Variants in IMMP2L observed in about 807,000 individuals in gnomAD.
IMMP2L encodes inner mitochondrial membrane peptidase subunit 2.
In IMMP2L, 18 loss-of-function variants were observed where a neutral mutation model predicts 19.3. The ratio of observed to expected loss-of-function variants is 0.93; its 90% CI spans 0.64 to 1.38. IMMP2L has a LOEUF of 1.38. IMMP2L is among the 40% of genes most tolerant of loss of function. IMMP2L has a pLI of 0.00. For missense variants in IMMP2L, 233 were observed against 218.2 expected (o/e 1.07, Z -0.43); for synonymous variants, 76 against 73.0 (o/e 1.04, Z -0.21).
intron 3 of IMMP2L, among the ~76,000 whole-genome samples, chr7:111,093,464 A>G (rs966783280): frequency 6.6e-6 from 1 of 152,180 alleles, no homozygotes; most frequent in African/African-American, 2.4e-5. Context: ...TCAAACTCCT[A>G]TATAATGTAG....
At chr7:111,342,907 A>G (rs537386329) in intron 3 of IMMP2L, among the ~76,000 whole-genome samples, 1 of 152,180 alleles carries the variant, frequency 6.6e-6, no homozygotes, top group African/African-American at 2.4e-5. Context: ...GCAAAACCCC[A>G]GCAAACTACC....
chr7:110,888,122 A>C (rs149712443), intron 4 of IMMP2L, among the ~76,000 whole-genome samples: 68 of 152,284 alleles, frequency 4.5e-4, no homozygotes, highest in African/African-American at 1.6e-3. Flanking sequence ...AGAAAAGCCC[A>C]CAGTAAGTTA....
chr7:111,518,973 C>G (rs1846107830), intron 2 of IMMP2L, among the ~76,000 whole-genome samples: 1 of 152,110 alleles, frequency 6.6e-6, no homozygotes, highest in Non-Finnish European at 1.5e-5. Context: ...ATCACTTGGC[C>G]TAGCCACAGG....
chr7:111,047,355 T>G (rs1320859183), intron 3 of IMMP2L, among the ~76,000 whole-genome samples: 1 of 152,040 alleles, frequency 6.6e-6, no homozygotes. Context: ...TCCTGGCTAA[T>G]TTTTGTATTT....
At chr7:110,885,836 A>C (rs892197435) in intron 5 of IMMP2L, among the ~76,000 whole-genome samples, 32 of 151,998 alleles carry the variant, frequency 2.1e-4, no homozygotes, top group Admixed American at 9.8e-4. Context: ...GGAAAAAAAA[A>C]CATTATTCCA....
intron 5 of IMMP2L, among the ~76,000 whole-genome samples, chr7:110,789,461 T>C (rs1207307060): frequency 1.3e-5 from 2 of 151,688 alleles, no homozygotes; most frequent in Non-Finnish European, 2.9e-5. Context: ...ACATCCAGGA[T>C]CCTACGACTT....
chr7:111,005,182 C>T (rs1278291771), intron 3 of IMMP2L, among the ~76,000 whole-genome samples: 4 of 152,056 alleles, frequency 2.6e-5, no homozygotes, highest in East Asian at 3.9e-4. Context: ...GATGGTGGTT[C>T]GATTAAGATT....
intron 3 of IMMP2L, among the ~76,000 whole-genome samples, chr7:111,143,732 C>A (rs1254409840): frequency 6.6e-6 from 1 of 152,154 alleles, no homozygotes; most frequent in Non-Finnish European, 1.5e-5. Context: ...CAGTCAGTGA[C>A]TGATCCTCCA....
At chr7:111,240,325 T>C (rs577971286) in intron 3 of IMMP2L, among the ~76,000 whole-genome samples, 175 of 152,088 alleles carry the variant, frequency 1.2e-3, no homozygotes, top group Admixed American at 1.2e-3. Context: ...CTTATTTAAG[T>C]TTGATTCAGA....
intron 5 of IMMP2L, among the ~76,000 whole-genome samples, chr7:110,743,947 G>A (rs1336970365): frequency 6.6e-6 from 1 of 152,178 alleles, no homozygotes; most frequent in African/African-American, 2.4e-5. Context: ...TGAAGCCAGG[G>A]AGCCAAGTAG....
chr7:111,336,309 C>A (rs1464759922), intron 3 of IMMP2L, among the ~76,000 whole-genome samples: 1 of 151,898 alleles, frequency 6.6e-6, no homozygotes, highest in African/African-American at 2.4e-5. Flanking sequence ...CCACCTCAGC[C>A]TCCCAAAGTG....
At chr7:111,321,958 A>G (rs1824762768) in intron 3 of IMMP2L, among the ~76,000 whole-genome samples, 1 of 151,974 alleles carries the variant, frequency 6.6e-6, no homozygotes, top group Admixed American at 6.6e-5. Flanking sequence ...CCTTAAACCT[A>G]AAATGCCATA....
chr7:111,043,154 G>A (rs1372503790), intron 3 of IMMP2L, among the ~76,000 whole-genome samples: 1 of 152,124 alleles, frequency 6.6e-6, no homozygotes, highest in Non-Finnish European at 1.5e-5. Context: ...CCTGTAGTAA[G>A]TCTCAAAGAC....
intron 3 of IMMP2L, among the ~76,000 whole-genome samples, chr7:111,408,225 C>T (rs1242775406): frequency 6.7e-6 from 1 of 149,492 alleles, no homozygotes; most frequent in Admixed American, 6.6e-5. Flanking sequence ...CAATAAGTGA[C>T]CAACTTGCAA....
chr7:111,222,885 G>C (rs752303916), intron 3 of IMMP2L, among the ~76,000 whole-genome samples: 6 of 151,842 alleles, frequency 4.0e-5, no homozygotes, highest in Non-Finnish European at 5.9e-5. Flanking sequence ...ACAATGTCCT[G>C]ATATCGGTAC....
intron 2 of IMMP2L, among the ~76,000 whole-genome samples, chr7:111,505,044 A>C (rs927303247): frequency 1.3e-5 from 2 of 152,108 alleles, no homozygotes; most frequent in Non-Finnish European, 2.9e-5. Context: ...CAACCTACAA[A>C]ATGGGAAAAA....
In IMMP2L at chr7:111,443,643, G is replaced by A. The variant is rs573890209; in HGVS notation, c.239+43595C>T. ...CTCAAAATATCCCAGAAGGACTTCA[G>A]AATCCATTTTTTCAAATGTTTTGAC... On this transcript the variant is annotated intron_variant, in intron 3 of 5. Coordinates refer to ENST00000405709, the MANE Select transcript of IMMP2L (RefSeq NM_032549.4). Among the ~76,000 whole-genome samples, 68 of 152,264 alleles carry A rather than the reference G, an allele frequency of 4.5e-4. 1 individual carries two copies. The Middle Eastern group carries it at 0.01, about 23-fold the overall frequency.
chr7:111,525,088 C>T (rs574271204), intron 1 of IMMP2L, among the ~76,000 whole-genome samples: 15 of 152,206 alleles, frequency 9.9e-5, no homozygotes, highest in African/African-American at 3.6e-4. Flanking sequence ...CTGAAAATCA[C>T]ATAAACATAC....
chr7:110,943,122 C>T (rs1816897369), intron 4 of IMMP2L, among the ~76,000 whole-genome samples: 1 of 151,996 alleles, frequency 6.6e-6, no homozygotes, highest in African/African-American at 2.4e-5. Context: ...CAGTTTCACG[C>T]TGTCCCAACT....
Sources: allele counts gnomAD v4.1 joint callset (sites outside exome capture counted in the v4.1 genomes callset), GRCh38; gene constraint gnomAD v4.1.1; transcripts MANE v1.5; gene names NCBI Gene and HGNC (gene_info 2026-07-23, HGNC 2026-07-21).